Variants in NEDD1 observed in about 807,000 individuals in gnomAD.
NEDD1 encodes NEDD1 gamma-tubulin ring complex targeting factor.
NEDD1 carries 33 observed loss-of-function variants against 74.0 expected under a neutral mutation model. That is an observed-to-expected ratio of 0.45 (90% CI 0.34 to 0.60). The LOEUF (loss-of-function observed/expected upper bound fraction) is 0.60, where lower values mean the gene tolerates loss of function less well. Ranked by LOEUF, NEDD1 falls within the 20% of genes least tolerant of loss-of-function variation. The pLI, the probability that NEDD1 is intolerant of heterozygous loss-of-function variation, is 0.01. For missense variants in NEDD1, 746 were observed against 776.5 expected, an observed-to-expected ratio of 0.96 and a Z score of 0.47; for synonymous variants, 250 against 264.4, an observed-to-expected ratio of 0.95 and a Z score of 0.53.
chr12:96,932,825 T>C (rs1876690757), intron 6 of NEDD1, among the ~76,000 whole-genome samples: 1 of 151,772 alleles, frequency 6.6e-6, no homozygotes, highest in Non-Finnish European at 1.5e-5. Context: ...TGTACAGAAA[T>C]GCTATTTAAT....
Position 96,912,775 on chromosome 12 carries a change from T to C in NEDD1, c.189T>C (p.Ser63=). 6.2e-7 allele frequency: 1 copy of C among 1,610,634 alleles called. No individual in the cohort carries two copies. The highest frequency in any genetic ancestry group is 1.3e-5 in the African/African-American group (1 of 74,972). The change falls in exon 4 of 16, where the codon AGT becomes AGC. Residue 63 remains serine, a synonymous_variant. Coordinates refer to ENST00000266742, the MANE Select transcript of NEDD1 (RefSeq NM_152905.4). ...SSSGDKIVVS[S]CKCKPVPLLE... is the part of the protein sequence containing the mutation. Reference sequence around the variant, plus strand: ...GTGGCGACAAAATAGTTGTCTCAAGTTGCAAATGTAAACCTGTTCCACTTT... The same window carrying C: ...GTGGCGACAAAATAGTTGTCTCAAGCTGCAAATGTAAACCTGTTCCACTTT...
At chr12:96,950,131 GAT>G (rs1878569376) in intron 14 of NEDD1, among the ~76,000 whole-genome samples, 1 of 151,856 alleles carries the variant, frequency 6.6e-6, no homozygotes, top group African/African-American at 2.4e-5. Context: ...ATAAGAAAAA[GAT>G]ATGAAAAAGC....
At position 96,943,836 on chromosome 12, in the gene NEDD1, T is replaced by C. The variant is rs1877918235; in HGVS notation, c.1497+74T>C. ...GAAAGTGGGTGGCTGCCAGTGCATG[T>C]ATCCTAATTATTAGCATTGCTATGC... On this transcript the variant is annotated intron_variant, in intron 12 of 15. Transcript: ENST00000266742. 8 of 807,406 alleles carry C rather than the reference T, an allele frequency of 9.9e-6. No homozygotes were observed. In the South Asian group the frequency reaches 1.1e-4, roughly 11 times the overall value. The allele number at this position is 807,406 out of a possible 1,614,324, so 50.0% of individuals were successfully genotyped here. A position where few individuals can be genotyped will look rare whatever the true frequency, so the allele number is the denominator to read the frequency against.
intron 2 of NEDD1, among the ~76,000 whole-genome samples, chr12:96,909,355 A>G (rs1350819787): frequency 1.3e-5 from 2 of 152,144 alleles, no homozygotes; most frequent in Admixed American, 1.3e-4. Context: ...CTGAATGATG[A>G]GAAGGAGATG....
intron 3 of NEDD1, 85 bp downstream of exon 3, chr12:96,909,980 T>G: frequency 6.9e-7 from 1 of 1,452,322 alleles, no homozygotes; most frequent in Non-Finnish European, 9.3e-7. Flanking sequence ...AACTTTTGCA[T>G]GTGCCTCATA....
In NEDD1 at chr12:96,930,557, G is replaced by A. The variant is rs183485319; in HGVS notation, c.490-4419G>A. On this transcript the variant is annotated intron_variant, in intron 6 of 15. Coordinates refer to ENST00000266742, the MANE Select transcript of NEDD1 (RefSeq NM_152905.4). ...CAGTGCCCAGGGTTTTTATTGGGGG[G>A]GCTGGTTATATCTAGGAGTCCACTG... Among the ~76,000 whole-genome samples, 127 of 152,074 alleles carry A rather than the reference G, an allele frequency of 8.4e-4. 1 individual carries two copies. Among genetic ancestry groups the A allele is most frequent in the African/African-American group, 2.9e-3 (122 of 41,454 alleles).
chr12:96,917,784 G>T (rs920187916), intron 5 of NEDD1, 47 bp downstream of exon 5: 50 of 1,515,188 alleles, frequency 3.3e-5, no homozygotes, highest in Non-Finnish European at 4.2e-5. Context: ...ATATCTTAAT[G>T]CATTTAGAGT....
chr12:96,919,079 T>C (rs1189280448), intron 5 of NEDD1, among the ~76,000 whole-genome samples: 1 of 152,204 alleles, frequency 6.6e-6, no homozygotes, highest in African/African-American at 2.4e-5. Flanking sequence ...TATGGCATCT[T>C]CCTGTTAAAA....
At chr12:96,913,281 C>T (rs920708416) in intron 4 of NEDD1, among the ~76,000 whole-genome samples, 2 of 152,186 alleles carry the variant, frequency 1.3e-5, no homozygotes, top group Non-Finnish European at 2.9e-5. Context: ...CTGAGCCTCC[C>T]CCATACTCTC....
intron 6 of NEDD1, among the ~76,000 whole-genome samples, chr12:96,927,277 T>C (rs1435496367): frequency 2.0e-5 from 3 of 152,240 alleles, no homozygotes; most frequent in African/African-American, 7.2e-5. Flanking sequence ...TCACAGAATC[T>C]GCATCATACT....
chr12:96,930,211 A>ACACACTCTCT (rs1416917962), intron 6 of NEDD1, among the ~76,000 whole-genome samples: 3 of 89,242 alleles, frequency 3.4e-5, no homozygotes, highest in Non-Finnish European at 6.3e-5. Context: ...ACACACACAC[A>ACACACTCTCT]CTCTCTCTCT....
intron 11 of NEDD1, 115 bp from the exon 12 acceptor site, chr12:96,943,445 C>T: frequency 1.4e-6 from 1 of 708,818 alleles, no homozygotes; most frequent in Non-Finnish European, 2.5e-6. Flanking sequence ...AACCAGTCTT[C>T]AGAATGCAGA....
rs1245329367 is a variant in NEDD1, at chr12:96,953,694, A to G, written c.*1641A>G. 1 of 151,910 alleles carries G rather than the reference A, an allele frequency of 6.6e-6. No homozygotes were observed. Among genetic ancestry groups the G allele is most frequent in the Non-Finnish European group, 1.5e-5 (1 of 67,824 alleles). The allele number at this position is 151,910 out of a possible 1,614,324, so 9.4% of individuals were successfully genotyped here. ...TAAAATGTTATATGCAAAAAATAGG[A>G]AACATGAAATTGAAATTTCATTGTT... is the stretch of plus-strand genomic sequence containing the variant. On this transcript the variant is annotated 3_prime_UTR_variant, in exon 16 of 16. Coordinates refer to ENST00000266742, the MANE Select transcript of NEDD1 (RefSeq NM_152905.4).
rs528806488 is a variant in NEDD1 at position 96,953,745 on chromosome 12, C to T, written c.*1692C>T. 6.6e-6 allele frequency: 1 copy of T among 151,736 alleles called. No homozygotes were observed. The highest frequency in any genetic ancestry group is 1.9e-4 in the East Asian group (1 of 5,176). The allele number at this position is 151,736 out of a possible 1,614,324, so 9.4% of individuals were successfully genotyped here. A position where few individuals can be genotyped will look rare whatever the true frequency, so the allele number is the denominator to read the frequency against. On this transcript the variant is annotated 3_prime_UTR_variant, in exon 16 of 16. Coordinates refer to ENST00000266742, the MANE Select transcript of NEDD1 (RefSeq NM_152905.4). ...GGCCAAAATGATATGAGAGATTTAC[C>T]TTCCCACCTGAAATTAAAAAAGAAA...
chr12:96,930,700 G>A (rs55847672), intron 6 of NEDD1, among the ~76,000 whole-genome samples: 44,893 of 151,932 alleles, frequency 0.3, 7,639 homozygotes, highest in East Asian at 0.42. Context: ...CCACTCTTAC[G>A]AGTTAAGGCA....
At chr12:96,946,154 G>A (rs952818342) in intron 14 of NEDD1, among the ~76,000 whole-genome samples, 3 of 151,994 alleles carry the variant, frequency 2.0e-5, no homozygotes, top group Admixed American at 2.0e-4. Context: ...CTTAAATTGG[G>A]TTCTTAACCT....
Position 96,920,051 on chromosome 12 carries a change from C to G in NEDD1, c.415C>G (p.Leu139Val). The change falls in exon 6 of 16, where the codon CTT becomes GTT. Residue 139 changes from leucine to valine, a missense_variant. By Grantham distance (32) the Leu-to-Val change is conservative. Coordinates refer to ENST00000266742, the MANE Select transcript of NEDD1 (RefSeq NM_152905.4). ...WNDCYIASGS[L>V]SGEIILHSVT... ...TGATTGCTACATTGCTTCTGGATCTCTTAGTGGTGAAATTATTTTACACAG... is the reference window on the plus strand; with the variant it reads ...TGATTGCTACATTGCTTCTGGATCTGTTAGTGGTGAAATTATTTTACACAG... 6.2e-7 allele frequency: 1 copy of G among 1,602,180 alleles called. No homozygotes were observed. Among genetic ancestry groups the G allele is most frequent in the Non-Finnish European group, 8.5e-7 (1 of 1,169,706 alleles).
At chr12:96,940,009 A>G (rs1443223966) in intron 9 of NEDD1, among the ~76,000 whole-genome samples, 1 of 152,102 alleles carries the variant, frequency 6.6e-6, no homozygotes, top group Non-Finnish European at 1.5e-5. Context: ...AGACTAAAAA[A>G]AAATCACATT....
chr12:96,923,016 C>T (rs1210641546), intron 6 of NEDD1, among the ~76,000 whole-genome samples: 2 of 151,978 alleles, frequency 1.3e-5, no homozygotes, highest in Non-Finnish European at 2.9e-5. Context: ...GCTTGGGAGG[C>T]TGAGGCAGGA....
Sources: allele counts gnomAD v4.1 joint callset (sites outside exome capture counted in the v4.1 genomes callset), GRCh38; gene constraint gnomAD v4.1.1; transcripts MANE v1.5; gene names NCBI Gene and HGNC (gene_info 2026-07-23, HGNC 2026-07-21).